KHDRBS2: variants seen among roughly 807,000 people sequenced by gnomAD.
KHDRBS2 encodes KH RNA binding domain containing, signal transduction associated 2, also known as KH domain-containing, RNA-binding, signal transduction-associated protein 2.
Under a neutral mutation model 44.3 loss-of-function variants are expected in KHDRBS2, and 26 were observed. The observed-to-expected ratio is 0.59, with a 90% CI of 0.43 to 0.81. The LOEUF (loss-of-function observed/expected upper bound fraction) is 0.81, where lower values mean the gene tolerates loss of function less well. KHDRBS2 is among the 40% of genes least tolerant of loss of function. The probability of loss-of-function intolerance (pLI) is 0.00; values close to 1 mark genes in which losing one functional copy is unlikely to be tolerated. For missense variants in KHDRBS2, 476 were observed against 433.1 expected, an observed-to-expected ratio of 1.10 and a Z score of -0.88; for synonymous variants, 194 against 151.1, an observed-to-expected ratio of 1.28 and a Z score of -2.08.
intron 1 of KHDRBS2, among the ~76,000 whole-genome samples, chr6:62,284,291 G>C (rs1330906867): frequency 6.6e-6 from 1 of 151,966 alleles, no homozygotes; most frequent in East Asian, 1.9e-4. Context: ...GCGGGTCAGA[G>C]AGAATGATCA....
chr6:62,166,904 TAAAC>T (rs926148124), intron 2 of KHDRBS2, among the ~76,000 whole-genome samples: 3 of 151,966 alleles, frequency 2.0e-5, no homozygotes, highest in Non-Finnish European at 4.4e-5. Flanking sequence ...CTCACTGAGT[TAAAC>T]AAACAAACAA....
chr6:62,068,973 T>G (rs1794382311), intron 2 of KHDRBS2, among the ~76,000 whole-genome samples: 1 of 151,684 alleles, frequency 6.6e-6, no homozygotes. Context: ...GTTTTGGCTA[T>G]TTATATTTCC....
At chr6:62,217,617 C>T (rs186590842) in intron 1 of KHDRBS2, among the ~76,000 whole-genome samples, 1 of 151,898 alleles carries the variant, frequency 6.6e-6, no homozygotes. Flanking sequence ...ACAAAAATGA[C>T]ATTTAGGCTA....
At chr6:62,152,000 G>C (rs1055527847) in intron 2 of KHDRBS2, among the ~76,000 whole-genome samples, 1 of 152,082 alleles carries the variant, frequency 6.6e-6, no homozygotes, top group Non-Finnish European at 1.5e-5. Flanking sequence ...CCATACCTTA[G>C]TGTTTTCATC....
At chr6:61,700,618 T>A (rs1228669342) in intron 7 of KHDRBS2, among the ~76,000 whole-genome samples, 3 of 151,612 alleles carry the variant, frequency 2.0e-5, no homozygotes, top group Non-Finnish European at 4.4e-5. Context: ...CCCTTTCAGC[T>A]AGATGTGCCC....
chr6:62,189,902 T>A (rs142069868), intron 1 of KHDRBS2, among the ~76,000 whole-genome samples: 25 of 152,122 alleles, frequency 1.6e-4, no homozygotes, highest in African/African-American at 5.8e-4. Flanking sequence ...TAATAAGAGA[T>A]GTAGAATCAG....
intron 2 of KHDRBS2, among the ~76,000 whole-genome samples, chr6:62,073,894 C>T (rs986452593): frequency 7.2e-5 from 11 of 151,728 alleles, no homozygotes; most frequent in Admixed American, 4.6e-4. Flanking sequence ...AAAAGAAGAA[C>T]GGCAGATCAC....
chr6:61,657,747 G>C, the KHDRBS2 span, among the ~76,000 whole-genome samples: 2 of 151,920 alleles, frequency 1.3e-5, no homozygotes, highest in African/African-American at 4.8e-5. Context: ...CTTAGAACGA[G>C]AACTCTCCTG....
intron 1 of KHDRBS2, among the ~76,000 whole-genome samples, chr6:62,280,554 T>C (rs1460237538): frequency 6.6e-6 from 1 of 152,086 alleles, no homozygotes; most frequent in African/African-American, 2.4e-5. Context: ...TTCAGGACAG[T>C]GATGAAGACA....
At chr6:62,183,501 C>A (rs1404405879) in intron 1 of KHDRBS2, among the ~76,000 whole-genome samples, 2 of 151,254 alleles carry the variant, frequency 1.3e-5, no homozygotes, top group Admixed American at 6.6e-5. Flanking sequence ...CATGGTCTTC[C>A]AGATATTTAT....
At chr6:62,082,269 A>G (rs961083123) in intron 2 of KHDRBS2, among the ~76,000 whole-genome samples, 1 of 151,574 alleles carries the variant, frequency 6.6e-6, no homozygotes, top group Non-Finnish European at 1.5e-5. Flanking sequence ...AAAAAGGGCC[A>G]AAATGAAATT....
chr6:62,018,271 T>G (rs540959513), intron 3 of KHDRBS2, among the ~76,000 whole-genome samples: 28 of 151,124 alleles, frequency 1.9e-4, no homozygotes, highest in Non-Finnish European at 1.5e-5. Context: ...ATACTATATA[T>G]GTGTATATTC....
intron 2 of KHDRBS2, among the ~76,000 whole-genome samples, chr6:62,086,198 T>C (rs1218097348): frequency 6.6e-6 from 1 of 152,086 alleles, no homozygotes; most frequent in East Asian, 1.9e-4. Flanking sequence ...TAGCTTAAAA[T>C]ATAATGGGAC....
intron 4 of KHDRBS2, among the ~76,000 whole-genome samples, chr6:61,963,602 A>G (rs1465196436): frequency 1.3e-5 from 2 of 151,952 alleles, no homozygotes; most frequent in African/African-American, 2.4e-5. Flanking sequence ...GGGCCCTCTC[A>G]CTCTTTCTTT....
intron 6 of KHDRBS2, among the ~76,000 whole-genome samples, chr6:61,874,854 T>G (rs778438709): frequency 6.6e-6 from 1 of 152,132 alleles, no homozygotes; most frequent in Non-Finnish European, 1.5e-5. Flanking sequence ...ACTGTCCAGC[T>G]CCTGGCAGGG....
At chr6:61,788,996 G>T (rs76996712) in intron 6 of KHDRBS2, among the ~76,000 whole-genome samples, 1 of 151,246 alleles carries the variant, frequency 6.6e-6, no homozygotes, top group South Asian at 2.1e-4. Flanking sequence ...TTTAATCATC[G>T]CTTTATCACT....
At chr6:61,713,238 C>T (rs1361471555) in intron 7 of KHDRBS2, among the ~76,000 whole-genome samples, 6 of 151,556 alleles carry the variant, frequency 4.0e-5, no homozygotes, top group Admixed American at 2.0e-4. Flanking sequence ...TATTTGTTAA[C>T]CATTCTGTTT....
chr6:62,208,433 T>C (rs1419979825), intron 1 of KHDRBS2, among the ~76,000 whole-genome samples: 4 of 152,130 alleles, frequency 2.6e-5, no homozygotes, highest in Non-Finnish European at 5.9e-5. Flanking sequence ...AGTAAAATAT[T>C]ATTGTATATG....
intron 6 of KHDRBS2, among the ~76,000 whole-genome samples, chr6:61,861,892 G>T (rs1797037534): frequency 6.6e-6 from 1 of 152,076 alleles, no homozygotes; most frequent in Non-Finnish European, 1.5e-5. Flanking sequence ...ATTTCTTTGA[G>T]CAGTGGTTTG....
Sources: gnomAD v4.1 joint callset for allele counts (sites outside exome capture counted in the v4.1 genomes callset) on GRCh38, gnomAD v4.1.1 for gene constraint, MANE v1.5 for transcripts, NCBI Gene and HGNC (gene_info 2026-07-23, HGNC 2026-07-21) for gene names.